Variants in CACNA2D1 observed in about 807,000 individuals in gnomAD.
CACNA2D1 encodes voltage-dependent calcium channel subunit alpha-2/delta-1.
Under a neutral mutation model 171.5 loss-of-function variants are expected in CACNA2D1, and 53 were observed. The ratio of observed to expected loss-of-function variants is 0.31; its 90% CI spans 0.25 to 0.39. CACNA2D1 has a LOEUF of 0.39. Among genes scored for constraint, CACNA2D1 ranks in the 10% least tolerant of loss-of-function variants. The pLI, the probability that CACNA2D1 is intolerant of heterozygous loss-of-function variation, is 1.00. For synonymous variants in CACNA2D1, 442 were observed against 443.1 expected, an observed-to-expected ratio of 1.00 and a Z score of 0.03; for missense variants, 903 against 1,299.8, an observed-to-expected ratio of 0.69 and a Z score of 4.69.
chr7:82,405,806 A>T (rs1826967337), intron 1 of CACNA2D1, among the ~76,000 whole-genome samples: 1 of 152,150 alleles, frequency 6.6e-6, no homozygotes, highest in Admixed American at 6.5e-5. Flanking sequence ...TGTGCTACAT[A>T]CAAAAAGAAA....
chr7:82,275,793 T>C (rs913705564), intron 3 of CACNA2D1, among the ~76,000 whole-genome samples: 3 of 152,178 alleles, frequency 2.0e-5, no homozygotes, highest in Non-Finnish European at 2.9e-5. Flanking sequence ...TAATTGTTTT[T>C]AGATATTACA....
chr7:82,004,104 A>G (rs1798889286), intron 18 of CACNA2D1, among the ~76,000 whole-genome samples: 2 of 152,176 alleles, frequency 1.3e-5, no homozygotes, highest in Admixed American at 6.6e-5. Context: ...TTGAAAATAC[A>G]CTGGATATAC....
At chr7:82,166,499 G>T (rs937507855) in intron 4 of CACNA2D1, among the ~76,000 whole-genome samples, 28 of 151,984 alleles carry the variant, frequency 1.8e-4, no homozygotes, top group African/African-American at 6.5e-4. Flanking sequence ...AATATTGCAA[G>T]CTTCCTTGGA....
chr7:82,288,810 G>A (rs1811173010), intron 3 of CACNA2D1, among the ~76,000 whole-genome samples: 1 of 152,172 alleles, frequency 6.6e-6, no homozygotes, highest in African/African-American at 2.4e-5. Context: ...TTCCATTGAG[G>A]TTGTGAAAAT....
chr7:82,282,594 T>C (rs1810254994), intron 3 of CACNA2D1, among the ~76,000 whole-genome samples: 1 of 152,088 alleles, frequency 6.6e-6, no homozygotes, highest in Non-Finnish European at 1.5e-5. Flanking sequence ...TAAGTAATTA[T>C]CCTATTTTCT....
intron 38 of CACNA2D1, among the ~76,000 whole-genome samples, chr7:81,953,483 T>C (rs1792841137): frequency 6.6e-6 from 1 of 152,108 alleles, no homozygotes. Context: ...TTGTTCTTTT[T>C]GTTCAGATGC....
chr7:82,315,952 A>G (rs1563355700), intron 3 of CACNA2D1, among the ~76,000 whole-genome samples: 1 of 152,036 alleles, frequency 6.6e-6, no homozygotes, highest in Non-Finnish European at 1.5e-5. Flanking sequence ...TCCTTAGATC[A>G]ATGTCACCAG....
rs570649182 is a variant in CACNA2D1, at chr7:82,148,308, T to C, written c.355-11632A>G. Among the ~76,000 whole-genome samples, 33 of 149,934 alleles carry C rather than the reference T, an allele frequency of 2.2e-4. No individual in the cohort carries two copies. In the South Asian group the frequency reaches 3.4e-3, roughly 15 times the overall value. On this transcript the variant is annotated intron_variant, in intron 4 of 38. Transcript: ENST00000356860. ...ATAAGACAAAACTAAGAAGTCTAAA[T>C]GATGAGGCATAGTTAGAAAAAAAAA...
intron 3 of CACNA2D1, among the ~76,000 whole-genome samples, chr7:82,324,069 G>A (rs2129441051): frequency 6.6e-6 from 1 of 152,238 alleles, no homozygotes; most frequent in South Asian, 2.1e-4. Context: ...AACAGAAAGT[G>A]TGGTTGGCTG....
intron 10 of CACNA2D1, among the ~76,000 whole-genome samples, chr7:82,060,213 T>TATATATATATTATATATATATA (rs1806633459): frequency 2.7e-5 from 1 of 37,564 alleles, no homozygotes; most frequent in Non-Finnish European, 6.2e-5. Flanking sequence ...ATATATATAA[T>TATATATATATTATATATATATA]ATATATATAA....
intron 3 of CACNA2D1, among the ~76,000 whole-genome samples, chr7:82,195,544 G>A (rs533960503): frequency 6.6e-6 from 1 of 151,712 alleles, no homozygotes; most frequent in African/African-American, 2.4e-5. Flanking sequence ...TAGGTCTGTA[G>A]AATATTGTAG....
At chr7:82,218,944 T>C (rs922328062) in intron 3 of CACNA2D1, among the ~76,000 whole-genome samples, 3 of 152,174 alleles carry the variant, frequency 2.0e-5, no homozygotes, top group African/African-American at 4.8e-5. Context: ...GAAATGAGCA[T>C]ATGTGGCTAA....
At chr7:82,161,757 A>G (rs962831495) in intron 4 of CACNA2D1, among the ~76,000 whole-genome samples, 3 of 152,056 alleles carry the variant, frequency 2.0e-5, no homozygotes, top group African/African-American at 7.2e-5. Flanking sequence ...AACAGCAAGC[A>G]TGTCATCGGA....
chr7:82,119,898 T>C (rs556001736), intron 5 of CACNA2D1, among the ~76,000 whole-genome samples: 1 of 152,304 alleles, frequency 6.6e-6, no homozygotes, highest in African/African-American at 2.4e-5. Context: ...ATCAACAGTC[T>C]TGGCTAGGTC....
Position 82,060,547 on chromosome 7 carries a change from T to C in CACNA2D1, c.780-20A>G. 7.2e-7 allele frequency: 1 copy of C among 1,382,324 alleles called. No individual in the cohort carries two copies. The highest frequency in any genetic ancestry group is 1.0e-6 in the Non-Finnish European group (1 of 971,670). 85.6% of individuals were successfully genotyped at this position (1,382,324 alleles called of 1,614,324 possible). On this transcript the variant is annotated intron_variant, in intron 9 of 38. Transcript: ENST00000356860. ...CCACTCCTAGAAATAGACAAATGGG[T>C]CCATACATGTTACTCATCATGTATT...
chr7:82,186,652 T>C (rs1431287339), intron 3 of CACNA2D1, among the ~76,000 whole-genome samples: 1 of 152,168 alleles, frequency 6.6e-6, no homozygotes, highest in Non-Finnish European at 1.5e-5. Context: ...AAGTTTATTA[T>C]ACACTATTTT....
chr7:82,218,012 G>A (rs1425323734), intron 3 of CACNA2D1, among the ~76,000 whole-genome samples: 1 of 151,850 alleles, frequency 6.6e-6, no homozygotes, highest in Non-Finnish European at 1.5e-5. Context: ...TCTGCTCACT[G>A]CAAGCTCCGC....
chr7:82,426,012 C>A (rs956640800), intron 1 of CACNA2D1, among the ~76,000 whole-genome samples: 3 of 149,664 alleles, frequency 2.0e-5, no homozygotes, highest in Admixed American at 6.7e-5. Context: ...TGCCTGTAAT[C>A]CCAGCTAGTA....
intron 3 of CACNA2D1, among the ~76,000 whole-genome samples, chr7:82,293,311 T>C (rs569232522): frequency 1.3e-5 from 2 of 152,322 alleles, no homozygotes; most frequent in Admixed American, 6.5e-5. Context: ...TTTTATCCTG[T>C]TTGTCATTTT....
Sources: allele counts gnomAD v4.1 joint callset (sites outside exome capture counted in the v4.1 genomes callset), GRCh38; gene constraint gnomAD v4.1.1; transcripts MANE v1.5; gene names NCBI Gene and HGNC (gene_info 2026-07-23, HGNC 2026-07-21).